Variants in CDK17 observed in about 807,000 individuals in gnomAD.
The protein encoded by CDK17 is cyclin dependent kinase 17.
Under a neutral mutation model 77.6 loss-of-function variants are expected in CDK17, and 24 were observed. The observed-to-expected ratio is 0.31, with a 90% CI of 0.22 to 0.44. The LOEUF is 0.44. Among genes scored for constraint, CDK17 ranks in the 20% least tolerant of loss-of-function variants. The pLI is 1.00. For missense variants in CDK17, 429 were observed against 622.5 expected (o/e 0.69, Z 3.31); for synonymous variants, 203 against 210.4 (o/e 0.96, Z 0.30).
At chr12:96,314,261 A>G (rs1394915188) in intron 3 of CDK17, among the ~76,000 whole-genome samples, 3 of 152,212 alleles carry the variant, frequency 2.0e-5, no homozygotes, top group Non-Finnish European at 2.9e-5. Flanking sequence ...GCAGTGACAC[A>G]ACCATGGCTC....
chr12:96,336,354 C>T (rs1953040881), intron 1 of CDK17, among the ~76,000 whole-genome samples: 1 of 152,092 alleles, frequency 6.6e-6, no homozygotes. Flanking sequence ...TGCCCAGCTA[C>T]TCAGGAGACT....
chr12:96,343,843 T>C (rs1227485707), intron 1 of CDK17, among the ~76,000 whole-genome samples: 1 of 151,920 alleles, frequency 6.6e-6, no homozygotes, highest in South Asian at 2.1e-4. Flanking sequence ...GCATGGCCCA[T>C]TAAGAAAAAA....
intron 3 of CDK17, among the ~76,000 whole-genome samples, chr12:96,323,408 A>G (rs1389375539): frequency 6.6e-6 from 1 of 152,160 alleles, no homozygotes; most frequent in Non-Finnish European, 1.5e-5. Flanking sequence ...GTGAGCTTCA[A>G]TAGCACCACT....
chr12:96,384,145 G>GA (rs1953932141), intron 1 of CDK17, among the ~76,000 whole-genome samples: 1 of 151,802 alleles, frequency 6.6e-6, no homozygotes, highest in South Asian at 2.1e-4. Flanking sequence ...ACAAACACAT[G>GA]AAAAAAATGT....
At chr12:96,397,511 G>T (rs897963280) in intron 1 of CDK17, among the ~76,000 whole-genome samples, 42 of 150,460 alleles carry the variant, frequency 2.8e-4, no homozygotes, top group African/African-American at 9.0e-4. Flanking sequence ...GGATGAGAAT[G>T]ATACATTTTA....
At chr12:96,374,927 C>T (rs71438997) in intron 1 of CDK17, among the ~76,000 whole-genome samples, 7,419 of 152,310 alleles carry the variant, frequency 0.049, 248 homozygotes, top group Non-Finnish European at 0.061. Flanking sequence ...TTCTCCACAT[C>T]AGCACCAGTT....
At chr12:96,285,770 T>C (rs1310063463) in intron 13 of CDK17, 2 of 201,730 alleles carry the variant, frequency 9.9e-6, no homozygotes, top group South Asian at 1.2e-4. Context: ...GTTAAGTAAA[T>C]ACAGAATAAT....
intron 2 of CDK17, among the ~76,000 whole-genome samples, chr12:96,329,289 T>C (rs1299391809): frequency 6.6e-6 from 1 of 152,182 alleles, no homozygotes; most frequent in Non-Finnish European, 1.5e-5. Context: ...ATGTTAAACT[T>C]TGTATTATAT....
chr12:96,355,795 G>C (rs1374674765), intron 1 of CDK17, among the ~76,000 whole-genome samples: 1 of 152,134 alleles, frequency 6.6e-6, no homozygotes, highest in Non-Finnish European at 1.5e-5. Flanking sequence ...TGTATCCTCA[G>C]CATTTAGAAC....
At chr12:96,287,438 C>T (rs982827293) in intron 11 of CDK17, among the ~76,000 whole-genome samples, 6 of 152,094 alleles carry the variant, frequency 3.9e-5, no homozygotes, top group East Asian at 3.8e-4. Flanking sequence ...GTTAATTTTA[C>T]ATATTAAGTG....
intron 1 of CDK17, among the ~76,000 whole-genome samples, chr12:96,389,815 T>G (rs537991520): frequency 3.1e-5 from 4 of 130,798 alleles, no homozygotes; most frequent in Non-Finnish European, 6.3e-5. Context: ...GAAGAGGGTT[T>G]TTTTGTTTGT....
intron 1 of CDK17, among the ~76,000 whole-genome samples, chr12:96,384,378 C>T (rs752817377): frequency 5.3e-5 from 8 of 152,136 alleles, no homozygotes; most frequent in Non-Finnish European, 1.0e-4. Flanking sequence ...AACTGAACTA[C>T]CATTCAATTC....
chr12:96,331,023 T>C (rs1952959431), intron 2 of CDK17, among the ~76,000 whole-genome samples: 1 of 152,240 alleles, frequency 6.6e-6, no homozygotes, highest in South Asian at 2.1e-4. Flanking sequence ...CTCGGCTCAC[T>C]GCAACCTCCG....
rs184210133 is a variant in CDK17, at chr12:96,278,341, C to A, written c.*1901G>T. The A allele has an allele frequency of 4.0e-4, 61 of 152,084 alleles. No homozygotes were observed. Among genetic ancestry groups the A allele is most frequent in the Admixed American group, 3.1e-3 (48 of 15,276 alleles). 9.4% of individuals were successfully genotyped at this position (152,084 alleles called of 1,614,324 possible). A position where few individuals can be genotyped will look rare whatever the true frequency, so the allele number is the denominator to read the frequency against. ...ATTTGCAACAAATCAAATATACATTCTATGAAGTGACAAATTTGATACTTT... is the reference window on the plus strand; with the variant it reads ...ATTTGCAACAAATCAAATATACATTATATGAAGTGACAAATTTGATACTTT... On this transcript the variant is annotated 3_prime_UTR_variant, in exon 17 of 17. Transcript: ENST00000261211.
chr12:96,378,412 C>T (rs1953822764), intron 1 of CDK17, among the ~76,000 whole-genome samples: 1 of 152,082 alleles, frequency 6.6e-6, no homozygotes, highest in Non-Finnish European at 1.5e-5. Context: ...TGAATAGTTC[C>T]TTCCTTTCCA....
chr12:96,289,097 C>T (rs1008306868), intron 11 of CDK17, 70 bp downstream of exon 11: 148 of 1,475,946 alleles, frequency 1.0e-4, no homozygotes, highest in Non-Finnish European at 1.2e-4. Context: ...ATATACTTAT[C>T]AATACATCTT....
Position 96,297,322 on chromosome 12 carries a change from A to T in CDK17, c.821T>A (p.Leu274Gln). 1 of 1,608,184 alleles carries T rather than the reference A, an allele frequency of 6.2e-7. No individual in the cohort carries two copies. Among genetic ancestry groups the T allele is most frequent in the Non-Finnish European group, 8.5e-7 (1 of 1,175,490 alleles). Residue 274 changes from leucine to glutamine, a missense_variant, in exon 9 of 17, where the codon CTG becomes CAG. By Grantham distance (113) the Leu-to-Gln change is moderately radical. This residue lies in a region of CDK17 where 262 missense variants were observed against 385.4 expected (regional missense o/e 0.68). Coordinates refer to ENST00000261211, the MANE Select transcript of CDK17 (RefSeq NM_002595.5). ...TCCACAGTCATCCATGTACTGTTTC[A>T]GGTCTTTATCCTGGAAAAACACAGC... The part of the protein sequence containing the change: ...TLVFEYLDKD[L>Q]KQYMDDCGNI...
chr12:96,312,252 G>A (rs564952223), intron 4 of CDK17, among the ~76,000 whole-genome samples: 55 of 152,198 alleles, frequency 3.6e-4, no homozygotes, highest in African/African-American at 1.3e-3. Context: ...ACTCCAGTCT[G>A]GGTGACAGAG....
At chr12:96,311,422 T>C (rs1952644323) in intron 4 of CDK17, among the ~76,000 whole-genome samples, 1 of 151,494 alleles carries the variant, frequency 6.6e-6, no homozygotes, top group Admixed American at 6.6e-5. Context: ...GTCCTTTCAC[T>C]GGTAAATTCA....
Sources: allele counts gnomAD v4.1 joint callset (sites outside exome capture counted in the v4.1 genomes callset), GRCh38; gene constraint gnomAD v4.1.1; regional missense constraint gnomAD v4.1.1; transcripts MANE v1.5; gene names NCBI Gene and HGNC (gene_info 2026-07-23, HGNC 2026-07-21).